HDAC9: variants seen among roughly 807,000 people sequenced by gnomAD.
HDAC9 encodes MEF-2 interacting transcription repressor (MITR) protein.
A neutral mutation model predicts 139.4 loss-of-function variants in HDAC9; 41 were observed. That is an observed-to-expected ratio of 0.29 (90% CI 0.23 to 0.38). The LOEUF is 0.38. Among genes scored for constraint, HDAC9 ranks in the 10% least tolerant of loss-of-function variants. The probability of loss-of-function intolerance (pLI) is 1.00; values close to 1 mark genes in which losing one functional copy is unlikely to be tolerated. For synonymous variants in HDAC9, 517 were observed against 476.2 expected (o/e 1.09, Z -1.12); for missense variants, 1,147 against 1,297.0 (o/e 0.88, Z 1.78).
chr7:18,905,230 A>G (rs1257392431), intron 22 of HDAC9, among the ~76,000 whole-genome samples: 1 of 152,234 alleles, frequency 6.6e-6, no homozygotes. Flanking sequence ...TGACACTGTC[A>G]GAATCCCTCT....
intron 2 of HDAC9, among the ~76,000 whole-genome samples, chr7:18,542,828 A>T (rs988386540): frequency 6.6e-6 from 1 of 152,184 alleles, no homozygotes; most frequent in African/African-American, 2.4e-5. Flanking sequence ...TAGCTCTAGA[A>T]ATTTATCCTA....
chr7:18,470,189 T>A (rs952341174), intron 1 of HDAC9, among the ~76,000 whole-genome samples: 1 of 152,040 alleles, frequency 6.6e-6, no homozygotes, highest in Non-Finnish European at 1.5e-5. Context: ...GGTGCATGCC[T>A]GTAGTTCTAG....
intron 13 of HDAC9, among the ~76,000 whole-genome samples, chr7:18,744,134 GCATATACCACCA>G (rs2129143620): frequency 1.3e-5 from 2 of 151,458 alleles, no homozygotes; most frequent in South Asian, 4.2e-4. Flanking sequence ...GGGATTGCAG[GCATATACCACCA>G]CACCTGGCTA....
At chr7:18,375,288 G>A (rs1404089891) in intron 1 of HDAC9, among the ~76,000 whole-genome samples, 1 of 152,106 alleles carries the variant, frequency 6.6e-6, no homozygotes, top group African/African-American at 2.4e-5. Flanking sequence ...TGACCAACAT[G>A]GTGAAACCCC....
At chr7:18,324,372 C>A (rs1189489601) in intron 1 of HDAC9, among the ~76,000 whole-genome samples, 1 of 152,138 alleles carries the variant, frequency 6.6e-6, no homozygotes, top group Non-Finnish European at 1.5e-5. Context: ...CTCTTAGTGT[C>A]TCAATTTTCC....
chr7:18,644,807 C>T lies in HDAC9; in HGVS notation c.1035+14C>T, dbSNP rs553400121. 3.1e-6 allele frequency: 5 copies of T among 1,605,954 alleles called. No individual in the cohort carries two copies. The highest frequency in any genetic ancestry group is 2.2e-5 in the East Asian group (1 of 44,534). ...TCCCAGCTCAATGTAAGTCATTGCA[C>T]AGCATCAGCCTTAATCAACCTAAGC... On this transcript the variant is annotated intron_variant, in intron 9 of 25. Transcript: ENST00000686413.
intron 1 of HDAC9, among the ~76,000 whole-genome samples, chr7:18,420,283 CA>C (rs1789495158): frequency 6.6e-6 from 1 of 152,134 alleles, no homozygotes; most frequent in South Asian, 2.1e-4. Flanking sequence ...GTACTTTCTG[CA>C]GTTATTTTGT....
intron 13 of HDAC9, among the ~76,000 whole-genome samples, chr7:18,737,652 A>G (rs1256160939): frequency 6.6e-6 from 1 of 152,100 alleles, no homozygotes; most frequent in Non-Finnish European, 1.5e-5. Context: ...GTTCTTTTAC[A>G]TTTGCTGAGG....
intron 13 of HDAC9, among the ~76,000 whole-genome samples, chr7:18,731,627 A>C (rs1444933654): frequency 6.6e-6 from 1 of 152,268 alleles, no homozygotes; most frequent in East Asian, 1.9e-4. Context: ...AATTATTTTT[A>C]AAGATAATTT....
intron 2 of HDAC9, among the ~76,000 whole-genome samples, chr7:18,561,361 A>T (rs191572597): frequency 1.3e-5 from 2 of 152,210 alleles, no homozygotes; most frequent in African/African-American, 4.8e-5. Flanking sequence ...GAATGAAGAA[A>T]TATTTTGTTC....
intron 2 of HDAC9, among the ~76,000 whole-genome samples, chr7:18,175,779 C>CCCA (rs1788849938): frequency 7.7e-6 from 1 of 130,672 alleles, no homozygotes; most frequent in Non-Finnish European, 1.7e-5. Flanking sequence ...CCCCCCCCCC[C>CCCA]CTTTTTTTAG....
chr7:18,572,950 G>T (rs1824786361), intron 2 of HDAC9, among the ~76,000 whole-genome samples: 1 of 152,208 alleles, frequency 6.6e-6, no homozygotes, highest in Admixed American at 6.5e-5. Context: ...AAGCATATTT[G>T]CAGACAGGGA....
At chr7:18,668,597 T>G (rs2129081439) in intron 12 of HDAC9, 2 of 982,320 alleles carry the variant, frequency 2.0e-6, no homozygotes, top group Non-Finnish European at 2.4e-6. Flanking sequence ...GGACGTTAAT[T>G]GTTTGAATTT....
intron 2 of HDAC9, among the ~76,000 whole-genome samples, chr7:18,258,865 C>A (rs184059600): frequency 1.2e-3 from 176 of 150,754 alleles, no homozygotes; most frequent in African/African-American, 4.2e-3. Flanking sequence ...TCTCCTGGAG[C>A]AAGTGCTGTT....
intron 13 of HDAC9, among the ~76,000 whole-genome samples, chr7:18,738,553 A>C (rs1787141903): frequency 6.6e-6 from 1 of 152,210 alleles, no homozygotes. Context: ...TTCTGGGTTG[A>C]AAATTCTTTT....
chr7:18,538,341 G>A (rs1210827095), intron 2 of HDAC9, among the ~76,000 whole-genome samples: 1 of 152,176 alleles, frequency 6.6e-6, no homozygotes, highest in African/African-American at 2.4e-5. Flanking sequence ...GTTAAGTATG[G>A]TGGTATGTTA....
chr7:18,753,193 A>G (rs757608050), intron 14 of HDAC9, among the ~76,000 whole-genome samples: 1 of 152,154 alleles, frequency 6.6e-6, no homozygotes, highest in Non-Finnish European at 1.5e-5. Context: ...ATACAAATAA[A>G]TACACAATTA....
chr7:18,486,526 G>C (rs529958432), intron 1 of HDAC9, among the ~76,000 whole-genome samples: 9 of 152,114 alleles, frequency 5.9e-5, no homozygotes, highest in African/African-American at 2.2e-4. Flanking sequence ...GTGTTCTGTA[G>C]AAAAACTGTA....
intron 2 of HDAC9, among the ~76,000 whole-genome samples, chr7:18,168,335 C>G (rs1788142926): frequency 6.6e-6 from 1 of 152,072 alleles, no homozygotes; most frequent in Admixed American, 6.5e-5. Context: ...AAATCTAGGC[C>G]AAATATACAG....
Sources: allele counts gnomAD v4.1 joint callset (sites outside exome capture counted in the v4.1 genomes callset), GRCh38; gene constraint gnomAD v4.1.1; transcripts MANE v1.5; gene names NCBI Gene and HGNC (gene_info 2026-07-23, HGNC 2026-07-21).